IGSF5: variants seen among roughly 807,000 people sequenced by gnomAD.
IGSF5 encodes the protein immunoglobulin superfamily member 5.
IGSF5 carries 41 observed loss-of-function variants against 39.4 expected under a neutral mutation model. The ratio of observed to expected loss-of-function variants is 1.04; its 90% confidence interval spans 0.81 to 1.35. The LOEUF (loss-of-function observed/expected upper bound fraction) is 1.35, where lower values mean the gene tolerates loss of function less well. IGSF5 is among the 40% of genes most tolerant of loss of function. The probability of loss-of-function intolerance (pLI) is 0.00; values close to 1 mark genes in which losing one functional copy is unlikely to be tolerated. For synonymous variants in IGSF5, 183 were observed against 175.3 expected (o/e 1.04, Z -0.34); for missense variants, 487 against 494.6 (o/e 0.98, Z 0.15).
At chr21:39,770,713 T>C (rs2837197) in intron 3 of IGSF5, among the ~76,000 whole-genome samples, 47,436 of 151,704 alleles carry the variant, frequency 0.31, 8,007 homozygotes, top group Non-Finnish European at 0.39. Context: ...CTTCAGAGAC[T>C]CTGGCAGGTG....
At chr21:39,762,250 G>A (rs553832668) in intron 2 of IGSF5, among the ~76,000 whole-genome samples, 37 of 152,276 alleles carry the variant, frequency 2.4e-4, no homozygotes, top group Admixed American at 1.0e-3. Flanking sequence ...CCAATGGTGC[G>A]TGACAAAGCC....
the IGSF5 span, chr21:39,729,887 A>G: frequency 6.6e-6 from 1 of 152,254 alleles, no homozygotes; most frequent in African/African-American, 2.4e-5. Context: ...GTGTGACGTG[A>G]GAGAAAAGAG....
the IGSF5 span, among the ~76,000 whole-genome samples, chr21:39,733,871 G>A: frequency 6.6e-6 from 1 of 152,102 alleles, no homozygotes; most frequent in Non-Finnish European, 1.5e-5. Context: ...CACAATGTCT[G>A]CCTTCCGTGA....
At chr21:39,767,213 C>T (rs1277267450) in intron 3 of IGSF5, among the ~76,000 whole-genome samples, 1 of 152,192 alleles carries the variant, frequency 6.6e-6, no homozygotes, top group East Asian at 1.9e-4. Context: ...CATCAGTTAT[C>T]TATCAGAGAG....
intron 8 of IGSF5, among the ~76,000 whole-genome samples, chr21:39,796,824 G>T (rs920685001): frequency 1.1e-4 from 16 of 152,268 alleles, no homozygotes; most frequent in African/African-American, 3.9e-4. Context: ...TCCGATCGTG[G>T]TTGCTGAAGA....
At position 39,749,503 on chromosome 21, in the gene IGSF5, G is replaced by A. The variant is rs188981118; in HGVS notation, c.100+3205G>A. On this transcript the variant is annotated intron_variant, in intron 2 of 8. Transcript: ENST00000380588. ...GCTGGGATTACAGGCATGAGCCACC[G>A]TGCCCAGCCGGTCTCAATCAATTTA... 5.8e-3 allele frequency among the ~76,000 whole-genome samples: 878 copies of A among 152,306 alleles called. 7 individuals are homozygous for A. The highest frequency in any genetic ancestry group is 0.019 in the African/African-American group (808 of 41,558).
the IGSF5 span, among the ~76,000 whole-genome samples, chr21:39,716,170 G>A: frequency 6.6e-6 from 1 of 152,156 alleles, no homozygotes; most frequent in Non-Finnish European, 1.5e-5. Context: ...GCATCATCCA[G>A]CCTGAAAGTG....
the IGSF5 span, among the ~76,000 whole-genome samples, chr21:39,733,680 T>G: frequency 6.6e-6 from 1 of 152,166 alleles, no homozygotes; most frequent in African/African-American, 2.4e-5. Flanking sequence ...GGGTCAGAAG[T>G]CTTGATTTCA....
the IGSF5 span, among the ~76,000 whole-genome samples, chr21:39,713,052 C>T: frequency 1.3e-5 from 2 of 152,200 alleles, no homozygotes; most frequent in African/African-American, 4.8e-5. Flanking sequence ...AGTCCATTTT[C>T]AGCTAGTACC....
intron 2 of IGSF5, among the ~76,000 whole-genome samples, chr21:39,764,166 G>T (rs1886216115): frequency 6.6e-6 from 1 of 152,106 alleles, no homozygotes; most frequent in African/African-American, 2.4e-5. Context: ...GCTTATGGAG[G>T]GGACTGTTCC....
chr21:39,780,378 A>T (rs903817270), intron 5 of IGSF5, among the ~76,000 whole-genome samples: 1 of 152,186 alleles, frequency 6.6e-6, no homozygotes, highest in East Asian at 1.9e-4. Context: ...GCTCTTGAAA[A>T]AGTGATTGAA....
At chr21:39,744,342 G>T (rs749061962), upstream of IGSF5, among the ~76,000 whole-genome samples, 1 of 152,192 alleles carries the variant, frequency 6.6e-6, no homozygotes, top group Non-Finnish European at 1.5e-5. Flanking sequence ...ATGCAAATTC[G>T]TTTCAGAGAG....
At chr21:39,793,712 A>G (rs2086979101) in intron 8 of IGSF5, 99 bp downstream of exon 8, 6 of 941,656 alleles carry the variant, frequency 6.4e-6, no homozygotes, top group Non-Finnish European at 1.0e-5. Context: ...TTGTGTATTC[A>G]TGATGGTGGC....
At position 39,767,447 on chromosome 21, in the gene IGSF5, C is replaced by T. The variant is rs914951412; in HGVS notation, c.418+1595C>T. ...TTGGCTGCCTGGGTCCATGTTACTG[C>T]TTTATGACAATGTGTGACCTGGGAC... On this transcript the variant is annotated intron_variant, in intron 3 of 8. Coordinates refer to ENST00000380588, the MANE Select transcript of IGSF5 (RefSeq NM_001080444.2). Among the ~76,000 whole-genome samples the T allele has an allele frequency of 5.5e-4, 83 of 152,168 alleles. 3 individuals carry two copies. The highest frequency in any genetic ancestry group is 2.9e-5 in the Non-Finnish European group (2 of 68,032).
rs1158000561 is a variant in IGSF5, at chr21:39,765,866, T to C, written c.418+14T>C. ...TTACCGTCCAAGGTGTGTATGCAGG[T>C]GGCTTCTGAAGTCCATCAGGTTAAA... On this transcript the variant is annotated intron_variant, in intron 3 of 8. Transcript: ENST00000380588. 6.2e-7 allele frequency: 1 copy of C among 1,602,826 alleles called. No homozygotes were observed. The highest frequency in any genetic ancestry group is 8.5e-7 in the Non-Finnish European group (1 of 1,171,334).
intron 6 of IGSF5, among the ~76,000 whole-genome samples, chr21:39,790,546 T>A (rs1051121449): frequency 2.6e-5 from 4 of 152,100 alleles, no homozygotes; most frequent in African/African-American, 9.7e-5. Flanking sequence ...TAGTCCCAGA[T>A]ACTCAGGAGG....
At chr21:39,758,408 G>C (rs2080043765) in intron 2 of IGSF5, among the ~76,000 whole-genome samples, 1 of 152,162 alleles carries the variant, frequency 6.6e-6, no homozygotes, top group South Asian at 2.1e-4. Flanking sequence ...CCCACAAGTT[G>C]TTGCACCTGC....
chr21:39,797,658 G>A (rs541933731), intron 8 of IGSF5, among the ~76,000 whole-genome samples: 32 of 152,062 alleles, frequency 2.1e-4, no homozygotes, highest in Non-Finnish European at 4.4e-4. Flanking sequence ...CTAGGACTAC[G>A]GGCACTTGCT....
intron 8 of IGSF5, among the ~76,000 whole-genome samples, chr21:39,796,532 T>G (rs2086997041): frequency 1.3e-5 from 2 of 152,308 alleles, no homozygotes; most frequent in South Asian, 2.1e-4. Flanking sequence ...CAGAGTCCCG[T>G]CTCAGTTTTC....
Sources: gnomAD v4.1 joint callset for allele counts (sites outside exome capture counted in the v4.1 genomes callset) on GRCh38, gnomAD v4.1.1 for gene constraint, MANE v1.5 for transcripts, NCBI Gene and HGNC (gene_info 2026-07-23, HGNC 2026-07-21) for gene names.